The following ANKRD44 variants were observed in gnomAD, a reference collection of about 807,000 sequenced individuals.
ANKRD44 encodes serine/threonine-protein phosphatase 6 regulatory ankyrin repeat subunit B.
Under a neutral mutation model 116.0 loss-of-function variants are expected in ANKRD44, and 35 were observed. The ratio of observed to expected loss-of-function variants is 0.30; its 90% CI spans 0.23 to 0.40. ANKRD44 has a LOEUF of 0.40. Among genes scored for constraint, ANKRD44 ranks in the 10% least tolerant of loss-of-function variants. ANKRD44 has a pLI of 1.00. For missense variants in ANKRD44, 1,014 were observed against 1,242.6 expected (o/e 0.82, Z 2.77); for synonymous variants, 435 against 461.8 (o/e 0.94, Z 0.74).
intron 17 of ANKRD44, among the ~76,000 whole-genome samples, chr2:197,022,043 C>G (rs1337639314): frequency 2.0e-5 from 3 of 152,226 alleles, no homozygotes; most frequent in African/African-American, 7.2e-5. Context: ...AATCATTCAG[C>G]CAGGAAATAG....
At chr2:197,011,698 C>G (rs1455691711) in intron 18 of ANKRD44, among the ~76,000 whole-genome samples, 1 of 152,136 alleles carries the variant, frequency 6.6e-6, no homozygotes, top group African/African-American at 2.4e-5. Context: ...GTCTCGAACT[C>G]CTGACCTCAG....
At chr2:197,193,758 C>T (rs13403513) in intron 1 of ANKRD44, among the ~76,000 whole-genome samples, 59,159 of 151,746 alleles carry the variant, frequency 0.39, 14,770 homozygotes, top group African/African-American at 0.72. Context: ...GGCGGTCGCC[C>T]GTAGTCCCAG....
intron 14 of ANKRD44, 147 bp from the exon 15 acceptor site, chr2:197,081,872 A>C: frequency 1.6e-6 from 1 of 638,592 alleles, no homozygotes. Context: ...GAAGATATAC[A>C]TGGTTCTCTC....
intron 9 of ANKRD44, among the ~76,000 whole-genome samples, chr2:197,109,400 T>C (rs2078513587): frequency 1.3e-5 from 2 of 152,244 alleles, no homozygotes; most frequent in Admixed American, 6.5e-5. Context: ...GGTTAATTTC[T>C]GTTTTACCTT....
chr2:197,085,826 A>G (rs1291905492), intron 13 of ANKRD44, among the ~76,000 whole-genome samples: 4 of 152,056 alleles, frequency 2.6e-5, no homozygotes, highest in Non-Finnish European at 4.4e-5. Context: ...ACTTTACTCT[A>G]TGGACTCGCC....
At chr2:197,235,341 G>C (rs913784316) in intron 1 of ANKRD44, among the ~76,000 whole-genome samples, 3 of 152,132 alleles carry the variant, frequency 2.0e-5, no homozygotes, top group Non-Finnish European at 2.9e-5. Flanking sequence ...ATCCAGCCAG[G>C]CACGGTGGCT....
intron 16 of ANKRD44, among the ~76,000 whole-genome samples, chr2:197,042,519 A>G (rs2076929793): frequency 6.6e-6 from 1 of 150,618 alleles, no homozygotes; most frequent in African/African-American, 2.4e-5. Context: ...AAAAAAAAAA[A>G]TCCAAATTTC....
intron 1 of ANKRD44, among the ~76,000 whole-genome samples, chr2:197,260,617 G>C (rs7591747): frequency 0.83 from 125,456 of 151,282 alleles, 52,164 homozygotes; most frequent in South Asian, 0.89. Context: ...ATGGCTGGGT[G>C]AAATGGTATT....
intron 16 of ANKRD44, among the ~76,000 whole-genome samples, chr2:197,036,729 A>G (rs575030293): frequency 2.0e-5 from 3 of 152,316 alleles, no homozygotes; most frequent in African/African-American, 7.2e-5. Context: ...TGTGTAAGGA[A>G]AGGCTAATGA....
intron 10 of ANKRD44, among the ~76,000 whole-genome samples, chr2:197,092,725 T>G (rs562282346): frequency 1.3e-5 from 2 of 152,350 alleles, no homozygotes; most frequent in East Asian, 3.9e-4. Context: ...AAAAAAATTC[T>G]GAAATGCAAT....
chr2:197,188,225 T>C (rs192827574), intron 1 of ANKRD44, among the ~76,000 whole-genome samples: 42 of 152,270 alleles, frequency 2.8e-4, no homozygotes, highest in African/African-American at 9.6e-4. Context: ...GAAGGATCTA[T>C]ATAGTGTGAT....
chr2:197,002,024 G>A (rs2076123335), intron 21 of ANKRD44, among the ~76,000 whole-genome samples, 184 bp from the exon 22 acceptor site: 1 of 152,178 alleles, frequency 6.6e-6, no homozygotes. Flanking sequence ...CAGGTGTTCT[G>A]AGACTTAATG....
chr2:197,276,275 C>CAAAAAAAAAAAAAAAAAAAAAGAAAAAA (rs11351342), intron 1 of ANKRD44, among the ~76,000 whole-genome samples: 1 of 108,064 alleles, frequency 9.3e-6, no homozygotes, highest in Non-Finnish European at 1.8e-5. Context: ...AACTTGGTCT[C>CAAAAAAAAAAAAAAAAAAAAAGAAAAAA]AAAAAAAAAA....
At chr2:197,249,414 G>A (rs2082269188) in intron 1 of ANKRD44, among the ~76,000 whole-genome samples, 1 of 152,222 alleles carries the variant, frequency 6.6e-6, no homozygotes, top group Non-Finnish European at 1.5e-5. Flanking sequence ...GAGCTTCCCA[G>A]TTTTGCTCTA....
chr2:197,284,138 G>T (rs569685668), intron 1 of ANKRD44, among the ~76,000 whole-genome samples: 1 of 152,284 alleles, frequency 6.6e-6, no homozygotes, highest in East Asian at 1.9e-4. Context: ...TTATGGATAA[G>T]ATGGAAAGAC....
chr2:197,129,176 G>A (rs1357904768), intron 4 of ANKRD44, among the ~76,000 whole-genome samples: 6 of 147,238 alleles, frequency 4.1e-5, no homozygotes, highest in Admixed American at 2.1e-4. Context: ...TTGCTCTTTC[G>A]CCCAGCCTGG....
intron 16 of ANKRD44, among the ~76,000 whole-genome samples, chr2:197,039,775 C>G (rs892118056): frequency 3.3e-5 from 5 of 150,766 alleles, no homozygotes; most frequent in African/African-American, 1.2e-4. Context: ...GTTAATCAGC[C>G]CTTATCATAT....
intron 27 of ANKRD44, among the ~76,000 whole-genome samples, chr2:196,991,287 A>T (rs1574227485): frequency 6.6e-6 from 1 of 152,082 alleles, no homozygotes; most frequent in Admixed American, 6.5e-5. Flanking sequence ...AATCAGGAGG[A>T]TGTTTCCGCC....
chr2:197,271,366 C>T (rs1369259908), intron 1 of ANKRD44, among the ~76,000 whole-genome samples: 1 of 152,200 alleles, frequency 6.6e-6, no homozygotes, highest in African/African-American at 2.4e-5. Context: ...AAGGCACCAT[C>T]TACAATGCAG....
Sources: gnomAD v4.1 joint callset for allele counts (sites outside exome capture counted in the v4.1 genomes callset) on GRCh38, gnomAD v4.1.1 for gene constraint, MANE v1.5 for transcripts, NCBI Gene and HGNC (gene_info 2026-07-23, HGNC 2026-07-21) for gene names.